ALK: variants seen among roughly 807,000 people sequenced by gnomAD.
The protein encoded by ALK is ALK receptor tyrosine kinase, also known as ALK tyrosine kinase receptor.
In ALK, 74 loss-of-function variants were observed where a neutral mutation model predicts 163.1. That is an observed-to-expected ratio of 0.45 (90% CI 0.38 to 0.55). The LOEUF (loss-of-function observed/expected upper bound fraction) is 0.55, where lower values mean the gene tolerates loss of function less well. ALK is among the 20% of genes least tolerant of loss of function. The pLI is 0.00. For missense variants in ALK, 2,063 were observed against 2,105.3 expected (o/e 0.98, Z 0.39); for synonymous variants, 960 against 843.2 (o/e 1.14, Z -2.40).
At chr2:29,717,933 T>C (rs1305463607) in intron 1 of ALK, among the ~76,000 whole-genome samples, 1 of 152,242 alleles carries the variant, frequency 6.6e-6, no homozygotes, top group African/African-American at 2.4e-5. Context: ...AAGGCCATGC[T>C]GAGGATCTCT....
chr2:29,784,902 T>C (rs1663966342), intron 1 of ALK, among the ~76,000 whole-genome samples: 1 of 152,088 alleles, frequency 6.6e-6, no homozygotes, highest in African/African-American at 2.4e-5. Flanking sequence ...TTATAAAGCA[T>C]GGCTCAACTA....
intron 4 of ALK, among the ~76,000 whole-genome samples, chr2:29,434,697 A>C (rs998980506): frequency 6.6e-6 from 1 of 152,200 alleles, no homozygotes; most frequent in African/African-American, 2.4e-5. Context: ...TTATCAAAAT[A>C]ACACTTCACC....
intron 4 of ALK, among the ~76,000 whole-genome samples, chr2:29,427,556 C>T (rs931755600): frequency 3.3e-5 from 5 of 150,472 alleles, no homozygotes; most frequent in African/African-American, 1.2e-4. Flanking sequence ...AATAGAATGT[C>T]GAGAAAAAAA....
rs912774090 is a variant in ALK, at chr2:29,320,362, C to T, written c.1546+389G>A. Among the ~76,000 whole-genome samples, 3 of 152,144 alleles carry T rather than the reference C, an allele frequency of 2.0e-5. No individual in the cohort carries two copies. The South Asian group carries it at 6.2e-4, about 32-fold the overall frequency. On this transcript the variant is annotated intron_variant, in intron 7 of 28. Coordinates refer to ENST00000389048, the MANE Select transcript of ALK (RefSeq NM_004304.5). The stretch of plus-strand genomic sequence containing the variant: ...GGGCACAACCCTGGGGCAAATGACA[C>T]AAGGACTTGCTGTGCCTCAGTCTCC...
intron 3 of ALK, among the ~76,000 whole-genome samples, chr2:29,597,130 T>C: frequency 6.6e-6 from 1 of 152,180 alleles, no homozygotes; most frequent in East Asian, 1.9e-4. Flanking sequence ...AACCGCATTC[T>C]TTAAGGCCAC....
At chr2:29,590,837 C>T (rs1675031639) in intron 3 of ALK, among the ~76,000 whole-genome samples, 1 of 151,814 alleles carries the variant, frequency 6.6e-6, no homozygotes, top group African/African-American at 2.4e-5. Context: ...TTTGGGAGGC[C>T]GAGACGGGCG....
intron 4 of ALK, among the ~76,000 whole-genome samples, chr2:29,506,760 A>G: frequency 6.6e-6 from 1 of 152,110 alleles, no homozygotes; most frequent in African/African-American, 2.4e-5. Flanking sequence ...ACAAAACAAA[A>G]AAAAAAAGTT....
chr2:29,485,062 A>G (rs965923304), intron 4 of ALK, among the ~76,000 whole-genome samples: 3 of 152,200 alleles, frequency 2.0e-5, no homozygotes, highest in Admixed American at 6.5e-5. Flanking sequence ...TTTTATCTAA[A>G]TAATTCTGCC....
intron 9 of ALK, among the ~76,000 whole-genome samples, chr2:29,276,323 C>T (rs1298223707): frequency 2.0e-5 from 3 of 152,192 alleles, no homozygotes; most frequent in Non-Finnish European, 2.9e-5. Context: ...CTTTCATATC[C>T]TTGGAGGGCC....
At chr2:29,506,299 T>C (rs1341600738) in intron 4 of ALK, among the ~76,000 whole-genome samples, 1 of 152,220 alleles carries the variant, frequency 6.6e-6, no homozygotes. Flanking sequence ...CAAATACCAA[T>C]TGCTTTTTAC....
At chr2:29,587,977 C>T (rs1674936502) in intron 3 of ALK, among the ~76,000 whole-genome samples, 3 of 152,156 alleles carry the variant, frequency 2.0e-5, no homozygotes, top group Non-Finnish European at 4.4e-5. Flanking sequence ...AGACATGCCT[C>T]TTCTAGTTCA....
chr2:29,635,897 C>T (rs528343389), intron 3 of ALK, among the ~76,000 whole-genome samples: 50 of 151,976 alleles, frequency 3.3e-4, no homozygotes, highest in Non-Finnish European at 6.0e-4. Flanking sequence ...TCCGAAAGTG[C>T]TGGGATTACA....
At chr2:29,831,549 A>G (rs1476863728) in intron 1 of ALK, among the ~76,000 whole-genome samples, 1 of 151,982 alleles carries the variant, frequency 6.6e-6, no homozygotes, top group African/African-American at 2.4e-5. Flanking sequence ...CCTAGCTCCA[A>G]CTCTGTTGAT....
intron 1 of ALK, among the ~76,000 whole-genome samples, chr2:29,739,970 A>C (rs1340229687): frequency 1.3e-5 from 2 of 152,152 alleles, no homozygotes; most frequent in African/African-American, 4.8e-5. Context: ...CTTCCAATAC[A>C]TGTAATGAAG....
chr2:29,780,147 C>T (rs1405145454), intron 1 of ALK, among the ~76,000 whole-genome samples: 1 of 152,218 alleles, frequency 6.6e-6, no homozygotes, highest in Admixed American at 6.5e-5. Context: ...TGTCTACACA[C>T]TGCATTCATC....
In ALK at chr2:29,334,020, G is replaced by A. The variant is rs917580801; in HGVS notation, c.1283-5539C>T. On this transcript the variant is annotated intron_variant, in intron 5 of 28. Coordinates refer to ENST00000389048, the MANE Select transcript of ALK (RefSeq NM_004304.5). Reference sequence around the variant, plus strand: ...TGTGGGATCAGTAGGTCACATGTGGGTTATCCTTTGGAATCTTTGGCTTCC... The same window carrying A: ...TGTGGGATCAGTAGGTCACATGTGGATTATCCTTTGGAATCTTTGGCTTCC... Among the ~76,000 whole-genome samples, 5 of 152,152 alleles carry A rather than the reference G, an allele frequency of 3.3e-5. No individual in the cohort carries two copies. In the East Asian group the frequency reaches 9.6e-4, roughly 29 times the overall value.
chr2:29,502,365 C>G (rs1254516058), intron 4 of ALK, among the ~76,000 whole-genome samples: 2 of 152,132 alleles, frequency 1.3e-5, no homozygotes, highest in Non-Finnish European at 2.9e-5. Flanking sequence ...ACCCAATAAG[C>G]ACTTGTAAAA....
chr2:29,771,433 A>ATGGCTTTGAACT (rs1681019827), intron 1 of ALK, among the ~76,000 whole-genome samples: 1 of 152,228 alleles, frequency 6.6e-6, no homozygotes, highest in Admixed American at 6.5e-5. Context: ...ATGAGTCTGA[A>ATGGCTTTGAACT]TGGCTTTGAA....
chr2:29,469,135 A>G (rs1015448207), intron 4 of ALK, among the ~76,000 whole-genome samples: 1 of 152,150 alleles, frequency 6.6e-6, no homozygotes, highest in African/African-American at 2.4e-5. Flanking sequence ...TCATACTATG[A>G]AGCTTTCCTA....
Sources: gnomAD v4.1 joint callset for allele counts (sites outside exome capture counted in the v4.1 genomes callset) on GRCh38, gnomAD v4.1.1 for gene constraint, MANE v1.5 for transcripts, NCBI Gene and HGNC (gene_info 2026-07-23, HGNC 2026-07-21) for gene names.